The following FHIT variants were observed in gnomAD, a reference collection of about 807,000 sequenced individuals.
FHIT encodes the protein bis(5'-adenosyl)-triphosphatase.
Under a neutral mutation model 17.9 loss-of-function variants are expected in FHIT, and 19 were observed. That is an observed-to-expected ratio of 1.06 (90% CI 0.74 to 1.56). FHIT has a LOEUF of 1.56. FHIT is among the 40% of genes most tolerant of loss of function. The probability of loss-of-function intolerance (pLI) is 0.00; values close to 1 mark genes in which losing one functional copy is unlikely to be tolerated. For synonymous variants in FHIT, 81 were observed against 69.7 expected (o/e 1.16, Z -0.81); for missense variants, 248 against 189.2 (o/e 1.31, Z -1.82).
chr3:60,328,868 G>A (rs1463379611), intron 5 of FHIT, among the ~76,000 whole-genome samples: 1 of 152,172 alleles, frequency 6.6e-6, no homozygotes, highest in Non-Finnish European at 1.5e-5. Context: ...TCTAGAGTAA[G>A]CAATAAATGA....
At chr3:60,493,950 A>G (rs2034179202) in intron 5 of FHIT, among the ~76,000 whole-genome samples, 1 of 152,120 alleles carries the variant, frequency 6.6e-6, no homozygotes. Context: ...TAGAATTGAG[A>G]CATGCTTTGT....
intron 5 of FHIT, among the ~76,000 whole-genome samples, chr3:60,511,751 T>C (rs1042536138): frequency 1.6e-4 from 24 of 152,278 alleles, no homozygotes; most frequent in African/African-American, 5.3e-4. Context: ...AAATGAACCA[T>C]ATAGCTAATT....
At chr3:60,741,642 T>C (rs1553713908) in intron 4 of FHIT, among the ~76,000 whole-genome samples, 1 of 152,226 alleles carries the variant, frequency 6.6e-6, no homozygotes. Context: ...TTCGACTCTG[T>C]GACTTTTGCC....
intron 8 of FHIT, among the ~76,000 whole-genome samples, chr3:59,911,909 G>A (rs559513382): frequency 2.6e-5 from 4 of 152,238 alleles, no homozygotes; most frequent in African/African-American, 9.6e-5. Context: ...TATTTTTTGG[G>A]TGCCGGGAGG....
chr3:60,494,063 A>G (rs1342164091), intron 5 of FHIT, among the ~76,000 whole-genome samples: 2 of 152,226 alleles, frequency 1.3e-5, no homozygotes, highest in Non-Finnish European at 2.9e-5. Context: ...TAACATTCAC[A>G]TAACAAAATT....
intron 5 of FHIT, among the ~76,000 whole-genome samples, chr3:60,233,459 C>G (rs545583580): frequency 6.6e-6 from 1 of 152,012 alleles, no homozygotes; most frequent in Non-Finnish European, 1.5e-5. Context: ...CTTCAGGTGT[C>G]CACTCCAACA....
At chr3:60,610,695 A>G (rs1436586324) in intron 4 of FHIT, among the ~76,000 whole-genome samples, 1 of 152,208 alleles carries the variant, frequency 6.6e-6, no homozygotes, top group Non-Finnish European at 1.5e-5. Context: ...AAATATTAAT[A>G]ATATCAAAAC....
rs539778493 is a variant in FHIT at position 60,441,834 on chromosome 3, G to A, written c.103+95026C>T. On this transcript the variant is annotated intron_variant, in intron 5 of 9. Coordinates refer to ENST00000492590, the MANE Select transcript of FHIT (RefSeq NM_002012.4). Reference sequence around the variant, plus strand: ...TATATATCAGGTCATTTTTCCTCCCGCTCATTCTTTTTTTAGTTGTGTTTT... The same window carrying A: ...TATATATCAGGTCATTTTTCCTCCCACTCATTCTTTTTTTAGTTGTGTTTT... 6.1e-4 allele frequency among the ~76,000 whole-genome samples: 73 copies of A among 118,766 alleles called. 1 individual carries two copies. The South Asian group carries it at 0.015, about 25-fold the overall frequency. The allele number at this position is 118,766 out of a possible 152,430, so 77.9% of individuals were successfully genotyped here.
chr3:60,437,494 C>T (rs1218867131), intron 5 of FHIT, among the ~76,000 whole-genome samples: 2 of 152,102 alleles, frequency 1.3e-5, no homozygotes, highest in Admixed American at 6.6e-5. Flanking sequence ...CGCCATGACA[C>T]ATCATCATCA....
At chr3:61,006,596 A>G (rs1025865327) in intron 3 of FHIT, among the ~76,000 whole-genome samples, 1 of 112,264 alleles carries the variant, frequency 8.9e-6, no homozygotes, top group Non-Finnish European at 1.8e-5. Flanking sequence ...ACTGATTTGG[A>G]AAACATATTC....
At chr3:60,672,704 A>T (rs921387494) in intron 4 of FHIT, among the ~76,000 whole-genome samples, 39 of 152,174 alleles carry the variant, frequency 2.6e-4, no homozygotes, top group Non-Finnish European at 5.0e-4. Context: ...TAGTCCATTT[A>T]TATTTAATGT....
At chr3:61,239,613 T>C (rs1176482883) in intron 1 of FHIT, among the ~76,000 whole-genome samples, 1 of 151,916 alleles carries the variant, frequency 6.6e-6, no homozygotes, top group Non-Finnish European at 1.5e-5. Context: ...TGTTTGCCTA[T>C]GTGTTATCTG....
At chr3:60,622,006 G>C (rs1466202002) in intron 4 of FHIT, among the ~76,000 whole-genome samples, 1 of 152,048 alleles carries the variant, frequency 6.6e-6, no homozygotes, top group Non-Finnish European at 1.5e-5. Flanking sequence ...TTTTCTTAAG[G>C]ATTTGAGCTC....
chr3:61,215,359 C>T (rs1264913331), intron 1 of FHIT, among the ~76,000 whole-genome samples: 2 of 152,226 alleles, frequency 1.3e-5, no homozygotes, highest in South Asian at 2.1e-4. Context: ...CATTCTTATA[C>T]ACCAATAACA....
chr3:59,944,943 T>C (rs1342841499), intron 7 of FHIT, among the ~76,000 whole-genome samples: 5 of 152,216 alleles, frequency 3.3e-5, no homozygotes, highest in Non-Finnish European at 7.3e-5. Context: ...GGCTTTTAGG[T>C]TGATTATATG....
intron 8 of FHIT, among the ~76,000 whole-genome samples, chr3:59,831,087 A>G (rs916699829): frequency 1.6e-4 from 25 of 152,210 alleles, no homozygotes; most frequent in African/African-American, 4.8e-4. Context: ...ATGGGAGGCT[A>G]TAACCCCACC....
At position 60,304,986 on chromosome 3, in the gene FHIT, T is replaced by C. The variant is rs1238058681; in HGVS notation, c.103+231874A>G. 2.6e-5 allele frequency among the ~76,000 whole-genome samples: 4 copies of C among 152,250 alleles called. No individual in the cohort carries two copies. The East Asian group carries it at 7.7e-4, about 29-fold the overall frequency. On this transcript the variant is annotated intron_variant, in intron 5 of 9. Transcript: ENST00000492590. ...CCCAGTCTGTGGCAATTGAGAAGGA[T>C]ACAGACATTGAATGTAGATTCTGTC...
intron 2 of FHIT, among the ~76,000 whole-genome samples, chr3:61,057,573 T>C (rs1238003153): frequency 6.6e-6 from 1 of 152,234 alleles, no homozygotes; most frequent in Non-Finnish European, 1.5e-5. Context: ...GTAACTTTTA[T>C]TATTCTCTGA....
intron 5 of FHIT, among the ~76,000 whole-genome samples, chr3:60,050,516 T>C (rs1224802901): frequency 6.6e-6 from 1 of 152,172 alleles, no homozygotes; most frequent in Non-Finnish European, 1.5e-5. Flanking sequence ...CTGAAGACTT[T>C]CTTACTGAAA....
Sources: allele counts gnomAD v4.1 joint callset (sites outside exome capture counted in the v4.1 genomes callset), GRCh38; gene constraint gnomAD v4.1.1; transcripts MANE v1.5; gene names NCBI Gene and HGNC (gene_info 2026-07-23, HGNC 2026-07-21).